ODAD4: variants seen among roughly 807,000 people sequenced by gnomAD.
The protein encoded by ODAD4 is outer dynein arm-docking complex subunit 4.
In ODAD4, 49 loss-of-function variants were observed where a neutral mutation model predicts 51.8. That is an observed-to-expected ratio of 0.95 (90% CI 0.75 to 1.20). The LOEUF (loss-of-function observed/expected upper bound fraction) is 1.20, where lower values mean the gene tolerates loss of function less well. Among genes scored for constraint, ODAD4 ranks in the 50% most tolerant of loss-of-function variants. The pLI is 0.00. For synonymous variants in ODAD4, 235 were observed against 221.3 expected (o/e 1.06, Z -0.55); for missense variants, 590 against 586.5 (o/e 1.01, Z -0.06).
At position 41,938,964 on chromosome 17, in the gene ODAD4, G is replaced by A; in HGVS notation, c.851-1G>A. On this transcript the variant is annotated splice_acceptor_variant, in intron 6 of 11. Transcript: ENST00000377540. LOFTEE classifies it high-confidence loss of function. ...TCCACAGCACCCCTTTCCTTTCTCA[G>A]TGCTCACAAGTGGCAGTGCTGAAGG... 1.2e-6 allele frequency: 2 copies of A among 1,607,882 alleles called. No individual in the cohort carries two copies. Among genetic ancestry groups the A allele is most frequent in the Non-Finnish European group, 1.7e-6 (2 of 1,176,974 alleles).
intron 1 of ODAD4, 72 bp downstream of exon 1, chr17:41,930,909 T>TTTG (rs1555636706): frequency 4.2e-6 from 4 of 946,698 alleles, no homozygotes; most frequent in Non-Finnish European, 6.1e-6. Flanking sequence ...TTTTTTTTTT[T>TTTG]TGTGACGGAG....
chr17:41,935,260 G>A lies in ODAD4; in HGVS notation c.158G>A (p.Arg53His), dbSNP rs782594989. Reference sequence around the variant, plus strand: ...GGAGACAAGAACTGCCTGGTTGCTCGCTCAAAGTGCTTCCTGAAGATGGGA... The same window carrying A: ...GGAGACAAGAACTGCCTGGTTGCTCACTCAAAGTGCTTCCTGAAGATGGGA... ...QDGDKNCLVA[R>H]SKCFLKMGDL... is the part of the protein sequence containing the mutation. The change falls in exon 2 of 12, where the codon CGC becomes CAC. Residue 53 changes from arginine to histidine, a missense_variant. This residue lies in a region of ODAD4 where 360 missense variants were observed against 407.5 expected (regional missense o/e 0.88). Transcript: ENST00000377540. The A allele has an allele frequency of 3.5e-5, 56 of 1,613,824 alleles. 1 individual carries two copies. The South Asian group carries it at 4.3e-4, about 12-fold the overall frequency.
At chr17:41,944,093 G>A (rs2050543337) in intron 7 of ODAD4, among the ~76,000 whole-genome samples, 1 of 151,852 alleles carries the variant, frequency 6.6e-6, no homozygotes, top group South Asian at 2.1e-4. Context: ...GTTACTCAGG[G>A]AGCTGAGGCA....
At position 41,962,817 on chromosome 17, in the gene ODAD4, C is replaced by T. The variant is rs782596861; in HGVS notation, c.1528+1351C>T. Among the ~76,000 whole-genome samples the T allele has an allele frequency of 6.6e-5, 10 of 152,184 alleles. No homozygotes were observed. The East Asian group carries it at 9.6e-4, about 15-fold the overall frequency. ...GTGAACAGAGCTGGGGCTGGAGGTCCGGGAGGACAGAGCCCAATGCAGATT... is the reference window on the plus strand; with the variant it reads ...GTGAACAGAGCTGGGGCTGGAGGTCTGGGAGGACAGAGCCCAATGCAGATT... On this transcript the variant is annotated intron_variant, in intron 11 of 11. Transcript: ENST00000377540.
chr17:41,962,428 T>G (rs1598094093), intron 11 of ODAD4, among the ~76,000 whole-genome samples: 3 of 149,954 alleles, frequency 2.0e-5, no homozygotes, highest in South Asian at 2.1e-4. Flanking sequence ...AGGGAGGGAG[T>G]GAGGGAAGGA....
At chr17:41,962,813 G>A (rs1433310298) in intron 11 of ODAD4, among the ~76,000 whole-genome samples, 1 of 152,252 alleles carries the variant, frequency 6.6e-6, no homozygotes. Context: ...TGGGGCTGGA[G>A]GTCCGGGAGG....
At chr17:41,938,882 G>A in intron 6 of ODAD4, 83 bp from the exon 7 acceptor site, 1 of 1,575,542 alleles carries the variant, frequency 6.3e-7, no homozygotes, top group Non-Finnish European at 8.7e-7. Context: ...CAGACCTGCA[G>A]ATGGTGTCTG....
chr17:41,958,021 C>G (rs1396968042), intron 10 of ODAD4, among the ~76,000 whole-genome samples: 1 of 152,166 alleles, frequency 6.6e-6, no homozygotes, highest in Non-Finnish European at 1.5e-5. Flanking sequence ...AAGCGATCCT[C>G]CTGTCTCAGC....
Position 41,965,704 on chromosome 17 carries a change from C to A in ODAD4, c.*221C>A. ...CCCCTGCCCATTCTTGGAAGAGCATCGTGGAAGAAATGAGAAAGGTGCCAA... is the reference window on the plus strand; with the variant it reads ...CCCCTGCCCATTCTTGGAAGAGCATAGTGGAAGAAATGAGAAAGGTGCCAA... On this transcript the variant is annotated 3_prime_UTR_variant, in exon 12 of 12. Coordinates refer to ENST00000377540, the MANE Select transcript of ODAD4 (RefSeq NM_031421.5). 1 of 494,238 alleles carries A rather than the reference C, an allele frequency of 2.0e-6. No individual in the cohort carries two copies. Among genetic ancestry groups the A allele is most frequent in the Non-Finnish European group, 3.6e-6 (1 of 280,246 alleles). The allele number at this position is 494,238 out of a possible 1,614,324, so 30.6% of individuals were successfully genotyped here. A position where few individuals can be genotyped will look rare whatever the true frequency, so the allele number is the denominator to read the frequency against.
chr17:41,961,242 A>G, intron 10 of ODAD4, 140 bp from the exon 11 acceptor site: 2 of 606,932 alleles, frequency 3.3e-6, no homozygotes, highest in Non-Finnish European at 5.9e-6. Flanking sequence ...ACCTGAGGGT[A>G]GGGGTCATTG....
chr17:41,953,417 C>T (rs149093415), intron 9 of ODAD4, among the ~76,000 whole-genome samples: 27 of 152,102 alleles, frequency 1.8e-4, no homozygotes, highest in African/African-American at 6.0e-4. Flanking sequence ...CCATGGGTCT[C>T]AAAGCAGTGC....
chr17:41,961,212 GAGTC>G (rs774403395), intron 10 of ODAD4, among the ~76,000 whole-genome samples, 166 bp from the exon 11 acceptor site: 2 of 152,176 alleles, frequency 1.3e-5, no homozygotes, highest in Admixed American at 6.5e-5. Context: ...GGATCATTCT[GAGTC>G]AGTAAGTGTA....
At chr17:41,940,169 C>T (rs1465585402) in intron 7 of ODAD4, among the ~76,000 whole-genome samples, 1 of 152,152 alleles carries the variant, frequency 6.6e-6, no homozygotes, top group Non-Finnish European at 1.5e-5. Context: ...CTTGATCTCC[C>T]ATCATCCCAT....
At position 41,966,040 on chromosome 17, in the gene ODAD4, C is replaced by G. The variant is rs781825836; in HGVS notation, c.*557C>G. On this transcript the variant is annotated 3_prime_UTR_variant, in exon 12 of 12. Transcript: ENST00000377540. ...CTCTGACACCTCTGGGTGGCATAAT[C>G]AGGTAAATCAGGCTCTCCAAGCTGG... is the stretch of plus-strand genomic sequence containing the variant. Among the ~76,000 whole-genome samples, 4 of 152,228 alleles carry G rather than the reference C, an allele frequency of 2.6e-5. No homozygotes were observed. Among genetic ancestry groups the G allele is most frequent in the African/African-American group, 4.8e-5 (2 of 41,448 alleles).
At chr17:41,941,239 C>T (rs1210770475) in intron 7 of ODAD4, among the ~76,000 whole-genome samples, 2 of 152,174 alleles carry the variant, frequency 1.3e-5, no homozygotes, top group Non-Finnish European at 2.9e-5. Flanking sequence ...AAAACAACTC[C>T]TGTGGTTGGG....
chr17:41,936,938 CTT>C lies in ODAD4; in HGVS notation c.625+13_625+14del. ...TCCTATTGGATGAAGGTTTCGGACA[CTT>C]TGTTGGCACGGGGCCTTGGGGGAAA... On this transcript the variant is annotated intron_variant, in intron 5 of 11. Coordinates refer to ENST00000377540, the MANE Select transcript of ODAD4 (RefSeq NM_031421.5). The C allele has an allele frequency of 6.2e-7, 1 of 1,612,310 alleles. No individual in the cohort carries two copies. Among genetic ancestry groups the C allele is most frequent in the Non-Finnish European group, 8.5e-7 (1 of 1,178,612 alleles).
chr17:41,947,766 G>A (rs1298221298), intron 8 of ODAD4, among the ~76,000 whole-genome samples: 3 of 151,844 alleles, frequency 2.0e-5, no homozygotes, highest in African/African-American at 4.8e-5. Flanking sequence ...CTGCACTCTA[G>A]CCTGGGCAAC....
chr17:41,965,796 G>C lies in ODAD4; in HGVS notation c.*313G>C, dbSNP rs946179761. ...GGAACAAGAAGTCACAGGGAGGAGA[G>C]GGGAAGGCCTGGGAGGAGAGGTGCT... On this transcript the variant is annotated 3_prime_UTR_variant, in exon 12 of 12. Transcript: ENST00000377540. 4 of 310,744 alleles carry C rather than the reference G, an allele frequency of 1.3e-5. No individual in the cohort carries two copies. The South Asian group carries it at 1.3e-4, about 10-fold the overall frequency. The allele number at this position is 310,744 out of a possible 1,614,324, so 19.2% of individuals were successfully genotyped here. A position where few individuals can be genotyped will look rare whatever the true frequency, so the allele number is the denominator to read the frequency against.
intron 11 of ODAD4, among the ~76,000 whole-genome samples, chr17:41,964,601 C>G (rs557814841): frequency 2.9e-4 from 44 of 152,306 alleles, no homozygotes; most frequent in South Asian, 2.5e-3. Flanking sequence ...ATCGGCCTCT[C>G]AAAAGCACAG....
Sources: gnomAD v4.1 joint callset for allele counts (sites outside exome capture counted in the v4.1 genomes callset) on GRCh38, gnomAD v4.1.1 for gene constraint, gnomAD v4.1.1 regional missense constraint, MANE v1.5 for transcripts, NCBI Gene and HGNC (gene_info 2026-07-23, HGNC 2026-07-21) for gene names.